RANBP3: variants seen among roughly 807,000 people sequenced by gnomAD.
RANBP3 encodes the protein RAN binding protein 3, also known as ran-binding protein 3.
RANBP3 carries 14 observed loss-of-function variants against 77.3 expected under a neutral mutation model. The ratio of observed to expected loss-of-function variants is 0.18; its 90% CI spans 0.12 to 0.28. The LOEUF (loss-of-function observed/expected upper bound fraction) is 0.28, where lower values mean the gene tolerates loss of function less well. RANBP3 is among the 10% of genes least tolerant of loss of function. RANBP3 has a pLI of 1.00. For synonymous variants in RANBP3, 315 were observed against 312.4 expected, an observed-to-expected ratio of 1.01 and a Z score of -0.09; for missense variants, 586 against 752.3, an observed-to-expected ratio of 0.78 and a Z score of 2.59.
chr19:5,935,649 C>T (rs751291888), intron 5 of RANBP3: 10 of 451,426 alleles, frequency 2.2e-5, no homozygotes, highest in Middle Eastern at 3.8e-4. Context: ...AGCTGCCAAG[C>T]GGAAGCAGGA....
chr19:5,961,276 T>C (rs12985605), intron 1 of RANBP3, among the ~76,000 whole-genome samples: 15,598 of 151,314 alleles, frequency 0.1, 1,003 homozygotes, highest in African/African-American at 0.18. Context: ...ACCCTGTCTC[T>C]ACTAAAAATA....
chr19:5,938,275 T>C (rs980008411), intron 5 of RANBP3, among the ~76,000 whole-genome samples: 10 of 152,202 alleles, frequency 6.6e-5, no homozygotes, highest in East Asian at 1.9e-4. Context: ...TTAAATCTTT[T>C]ATGAGGAATT....
intron 1 of RANBP3, among the ~76,000 whole-genome samples, chr19:5,962,430 C>T (rs2058415586): frequency 6.6e-6 from 1 of 152,282 alleles, no homozygotes; most frequent in Middle Eastern, 3.4e-3. Flanking sequence ...TCGTCTGTTC[C>T]GTTTCTCTCT....
intron 13 of RANBP3, among the ~76,000 whole-genome samples, chr19:5,922,382 C>T (rs1450490406): frequency 5.9e-5 from 9 of 152,166 alleles, no homozygotes; most frequent in African/African-American, 1.7e-4. Flanking sequence ...CGCCACGATA[C>T]GCCACCCGGT....
intron 3 of RANBP3, among the ~76,000 whole-genome samples, chr19:5,949,711 G>C (rs2058251439): frequency 6.6e-6 from 1 of 152,158 alleles, no homozygotes; most frequent in South Asian, 2.1e-4. Flanking sequence ...CTCAGGATCA[G>C]AGCCTCAGAC....
chr19:5,949,641 A>C (rs916021100), intron 3 of RANBP3, among the ~76,000 whole-genome samples: 1 of 152,164 alleles, frequency 6.6e-6, no homozygotes, highest in Non-Finnish European at 1.5e-5. Context: ...AGCTCATCCC[A>C]AGGCTCCCTG....
chr19:5,953,788 C>G (rs1479610886), intron 2 of RANBP3, among the ~76,000 whole-genome samples: 1 of 152,196 alleles, frequency 6.6e-6, no homozygotes, highest in African/African-American at 2.4e-5. Flanking sequence ...GACAGCACGC[C>G]CCTCCCCAGG....
chr19:5,923,954 T>C, intron 11 of RANBP3, 40 bp from the exon 12 acceptor site: 1 of 1,510,082 alleles, frequency 6.6e-7, no homozygotes, highest in Non-Finnish European at 9.2e-7. Context: ...AGGGCACTTG[T>C]GTGGTCCTTC....
In RANBP3 at chr19:5,958,716, T is replaced by G. The variant is rs750155923; in HGVS notation, c.23-743A>C. 6.6e-6 allele frequency among the ~76,000 whole-genome samples: 1 copy of G among 152,232 alleles called. No homozygotes were observed. Among genetic ancestry groups the G allele is most frequent in the Non-Finnish European group, 1.5e-5 (1 of 68,036 alleles). On this transcript the variant is annotated intron_variant, in intron 1 of 16. Transcript: ENST00000340578. The surrounding 1 kb of genome is among the most constrained non-coding windows in gnomAD (Gnocchi z 4.4). ...CTGCTGCCCGCACAGGAAGCACAGA[T>G]GAGGACTGCCTCGACCCCACGAGGA... is the stretch of plus-strand genomic sequence containing the variant.
chr19:5,976,229 A>G (rs2058589559), intron 1 of RANBP3, among the ~76,000 whole-genome samples: 1 of 152,132 alleles, frequency 6.6e-6, no homozygotes, highest in Non-Finnish European at 1.5e-5. Flanking sequence ...TGGGGGAGAT[A>G]AGGATTTTGT....
At chr19:5,918,899 T>C (rs2057781225) in intron 14 of RANBP3, among the ~76,000 whole-genome samples, 1 of 152,176 alleles carries the variant, frequency 6.6e-6, no homozygotes, top group African/African-American at 2.4e-5. Flanking sequence ...GTGCTGCAGA[T>C]CAGTGACCAG....
intron 3 of RANBP3, chr19:5,950,491 G>A (rs1189381923): frequency 1.3e-5 from 2 of 152,464 alleles, no homozygotes; most frequent in Admixed American, 1.3e-4. Context: ...AATGTTAACA[G>A]TTTCCTTAAA....
At chr19:5,942,555 A>C (rs1312472500) in intron 3 of RANBP3, among the ~76,000 whole-genome samples, 1 of 152,142 alleles carries the variant, frequency 6.6e-6, no homozygotes, top group Non-Finnish European at 1.5e-5. Flanking sequence ...ATACAAAAAA[A>C]AGTAGCTGGG....
At chr19:5,977,912 G>A (rs2058616642) in intron 1 of RANBP3, 149 bp downstream of exon 1, 7 of 1,010,526 alleles carry the variant, frequency 6.9e-6, no homozygotes, top group Non-Finnish European at 8.3e-6. Context: ...GGACGCAATA[G>A]GGGGCGGCTG....
At position 5,918,554 on chromosome 19, in the gene RANBP3, C is replaced by G. The variant is rs2057775866; in HGVS notation, c.1415G>C (p.Ser472Thr). ...QMQIDKASEKSIRITAMDTED... is the reference protein window; with the variant it reads ...QMQIDKASEKTIRITAMDTED... ...GGTGTCCATGGCTGTGATGCGAATG[C>G]TCTTCTCGCTGGCCTTGTCGATCTG... The change falls in exon 15 of 17, where the codon AGC becomes ACC. Residue 472 changes from serine (S) to threonine (T), a missense_variant. Physicochemically the swap from Ser to Thr is moderately conservative, Grantham distance 58. This residue lies in a region of RANBP3 where 128 missense variants were observed against 157.0 expected (regional missense o/e 0.82). Coordinates refer to ENST00000340578, the MANE Select transcript of RANBP3 (RefSeq NM_007322.3). 2 of 1,613,658 alleles carry G rather than the reference C, an allele frequency of 1.2e-6. No homozygotes were observed. Among genetic ancestry groups the G allele is most frequent in the African/African-American group, 1.3e-5 (1 of 74,814 alleles).
At chr19:5,950,200 G>A (rs1305300215) in intron 3 of RANBP3, among the ~76,000 whole-genome samples, 4 of 152,138 alleles carry the variant, frequency 2.6e-5, no homozygotes, top group African/African-American at 9.7e-5. Flanking sequence ...AGTCACGTGC[G>A]CTCATGGGAG....
intron 1 of RANBP3, among the ~76,000 whole-genome samples, chr19:5,961,694 T>A (rs532072698): frequency 6.6e-6 from 1 of 150,496 alleles, no homozygotes; most frequent in African/African-American, 2.5e-5. Flanking sequence ...GATGGTGCCA[T>A]TGCACTCCAG....
chr19:5,928,210 C>G (rs1478700186), intron 8 of RANBP3, 123 bp from the exon 9 acceptor site: 4 of 1,187,136 alleles, frequency 3.4e-6, no homozygotes, highest in Non-Finnish European at 4.7e-6. Flanking sequence ...TGCCTGCACT[C>G]CCAGCTACTC....
chr19:5,969,046 A>C (rs2058500703), intron 1 of RANBP3, among the ~76,000 whole-genome samples: 1 of 152,182 alleles, frequency 6.6e-6, no homozygotes, highest in Non-Finnish European at 1.5e-5. Context: ...AGGGGATCCC[A>C]GGCAGAGGGG....
Sources: gnomAD v4.1 joint callset for allele counts (sites outside exome capture counted in the v4.1 genomes callset) on GRCh38, gnomAD v4.1.1 for gene constraint, gnomAD v4.1.1 regional missense constraint, Gnocchi (gnomAD v3.1) non-coding constraint, MANE v1.5 for transcripts, NCBI Gene and HGNC (gene_info 2026-07-23, HGNC 2026-07-21) for gene names.